SERGEF: variants seen among roughly 807,000 people sequenced by gnomAD.
SERGEF encodes secretion regulating guanine nucleotide exchange factor.
Under a neutral mutation model 50.0 loss-of-function variants are expected in SERGEF, and 51 were observed. The ratio of observed to expected loss-of-function variants is 1.02; its 90% confidence interval spans 0.81 to 1.29. The LOEUF is 1.29. Among genes scored for constraint, SERGEF ranks in the 50% most tolerant of loss-of-function variants. SERGEF has a pLI of 0.00. For missense variants in SERGEF, 521 were observed against 557.0 expected (o/e 0.94, Z 0.65); for synonymous variants, 205 against 212.4 (o/e 0.97, Z 0.30).
intron 9 of SERGEF, among the ~76,000 whole-genome samples, chr11:17,910,883 G>T (rs953121754): frequency 1.3e-5 from 2 of 152,182 alleles, no homozygotes; most frequent in Non-Finnish European, 2.9e-5. Context: ...AGAGGAGGGT[G>T]GCCAGGAGGG....
At chr11:17,993,200 C>T (rs1057296232) in intron 6 of SERGEF, among the ~76,000 whole-genome samples, 1 of 152,024 alleles carries the variant, frequency 6.6e-6, no homozygotes, top group African/African-American at 2.4e-5. Flanking sequence ...TAAATACATT[C>T]AGGATAAAGG....
intron 10 of SERGEF, among the ~76,000 whole-genome samples, chr11:17,818,427 A>T (rs1203785832): frequency 1.3e-5 from 2 of 152,220 alleles, no homozygotes; most frequent in Non-Finnish European, 2.9e-5. Flanking sequence ...CGGGCTCCAT[A>T]CATATGTACC....
intron 10 of SERGEF, among the ~76,000 whole-genome samples, chr11:17,863,184 T>C (rs1850957540): frequency 6.6e-6 from 1 of 152,224 alleles, no homozygotes; most frequent in Non-Finnish European, 1.5e-5. Context: ...CTAAGTGAGA[T>C]GATATATGCA....
chr11:17,955,521 G>A (rs1246555310), intron 9 of SERGEF, among the ~76,000 whole-genome samples: 3 of 152,200 alleles, frequency 2.0e-5, no homozygotes, highest in Non-Finnish European at 4.4e-5. Context: ...CAGTGGTGGG[G>A]ATGGTGGGCA....
chr11:18,012,436 A>G (rs1854215774), intron 1 of SERGEF: 2 of 993,056 alleles, frequency 2.0e-6, no homozygotes, highest in African/African-American at 3.5e-5. Context: ...AGAACCGGTC[A>G]CAGCAGAGTG....
At chr11:17,932,892 A>T (rs1852381975) in intron 9 of SERGEF, among the ~76,000 whole-genome samples, 1 of 152,182 alleles carries the variant, frequency 6.6e-6, no homozygotes, top group African/African-American at 2.4e-5. Context: ...ATTATATTTT[A>T]AAATGCATGG....
chr11:17,913,715 T>C (rs1453149776), intron 9 of SERGEF, among the ~76,000 whole-genome samples: 1 of 152,114 alleles, frequency 6.6e-6, no homozygotes, highest in African/African-American at 2.4e-5. Context: ...CCTGGCTTGA[T>C]TAAAATGCAA....
At chr11:17,814,698 T>C (rs984061153) in intron 10 of SERGEF, among the ~76,000 whole-genome samples, 1 of 152,218 alleles carries the variant, frequency 6.6e-6, no homozygotes, top group Non-Finnish European at 1.5e-5. Flanking sequence ...CCAAAGCCCA[T>C]GTATCACCCT....
intron 9 of SERGEF, among the ~76,000 whole-genome samples, chr11:17,919,833 C>G (rs1399370264): frequency 1.3e-5 from 2 of 152,006 alleles, no homozygotes; most frequent in Non-Finnish European, 2.9e-5. Context: ...TTAAAAACTG[C>G]AACGCGGGAG....
intron 10 of SERGEF, among the ~76,000 whole-genome samples, chr11:17,863,896 G>A (rs1253216838): frequency 6.6e-6 from 1 of 152,258 alleles, no homozygotes; most frequent in East Asian, 1.9e-4. Flanking sequence ...CTATGAAGAT[G>A]TTAAACACAG....
At chr11:17,902,411 G>A (rs1851763797) in intron 9 of SERGEF, among the ~76,000 whole-genome samples, 1 of 152,096 alleles carries the variant, frequency 6.6e-6, no homozygotes, top group African/African-American at 2.4e-5. Context: ...AAGCCACAAG[G>A]GAGCAAACAG....
intron 10 of SERGEF, among the ~76,000 whole-genome samples, chr11:17,831,573 G>C (rs565993896): frequency 6.6e-6 from 1 of 152,222 alleles, no homozygotes; most frequent in Non-Finnish European, 1.5e-5. Context: ...GAGCTGGAAG[G>C]CCAGGTTCTG....
chr11:17,817,710 C>G (rs550587116), intron 10 of SERGEF, among the ~76,000 whole-genome samples: 2 of 152,356 alleles, frequency 1.3e-5, no homozygotes, highest in South Asian at 2.1e-4. Context: ...AATAACAACT[C>G]TGCAAGGTTA....
chr11:17,979,957 T>C (rs1853460304), intron 8 of SERGEF, among the ~76,000 whole-genome samples: 1 of 152,168 alleles, frequency 6.6e-6, no homozygotes, highest in South Asian at 2.1e-4. Context: ...CTCTAGTGGT[T>C]CAGTGCTGTC....
chr11:17,963,364 TAAAAAAAAA>T (rs1174880141), intron 8 of SERGEF, among the ~76,000 whole-genome samples: 2 of 49,892 alleles, frequency 4.0e-5, no homozygotes, highest in African/African-American at 7.7e-5. Context: ...TTACTATTAG[TAAAAAAAAA>T]AAAAAAAAAA....
intron 3 of SERGEF, among the ~76,000 whole-genome samples, chr11:18,004,953 G>A (rs146063295): frequency 6.6e-6 from 1 of 152,338 alleles, no homozygotes; most frequent in Non-Finnish European, 1.5e-5. Context: ...AGATGGGACA[G>A]GACATGTGTG....
chr11:17,979,495 T>C (rs1455867038), intron 8 of SERGEF, among the ~76,000 whole-genome samples: 1 of 152,118 alleles, frequency 6.6e-6, no homozygotes, highest in African/African-American at 2.4e-5. Context: ...TGGGGTAGCA[T>C]TGTGTGTTTG....
intron 10 of SERGEF, 139 bp downstream of exon 10, chr11:17,878,069 A>G (rs1161381659): frequency 3.1e-6 from 2 of 649,332 alleles, no homozygotes; most frequent in Admixed American, 6.5e-5. Context: ...TTGGTCAACC[A>G]AAAACTTCCA....
chr11:17,792,003 C>A (rs148079450), intron 10 of SERGEF, among the ~76,000 whole-genome samples: 214 of 152,262 alleles, frequency 1.4e-3, no homozygotes, highest in South Asian at 4.6e-3. Context: ...TATGGTTCTA[C>A]GCAGTAAAAA....
Sources: gnomAD v4.1 joint callset for allele counts (sites outside exome capture counted in the v4.1 genomes callset) on GRCh38, gnomAD v4.1.1 for gene constraint, MANE v1.5 for transcripts, NCBI Gene and HGNC (gene_info 2026-07-23, HGNC 2026-07-21) for gene names.